Variants in ALDH1A2 observed in about 807,000 individuals in gnomAD.
The protein encoded by ALDH1A2 is retinal dehydrogenase 2.
Under a neutral mutation model 60.3 loss-of-function variants are expected in ALDH1A2, and 27 were observed. That is an observed-to-expected ratio of 0.45 (90% confidence interval 0.33 to 0.62). ALDH1A2 has a LOEUF of 0.62. Ranked by LOEUF, ALDH1A2 falls within the 20% of genes least tolerant of loss-of-function variation. ALDH1A2 has a pLI of 0.02. For missense variants in ALDH1A2, 581 were observed against 643.8 expected, an observed-to-expected ratio of 0.90 and a Z score of 1.06; for synonymous variants, 289 against 232.4, an observed-to-expected ratio of 1.24 and a Z score of -2.21.
At chr15:58,036,451 AAAG>A (rs1896380842) in intron 1 of ALDH1A2, 1 of 151,662 alleles carries the variant, frequency 6.6e-6, no homozygotes, top group African/African-American at 2.4e-5. Flanking sequence ...AGAAATGTCT[AAAG>A]AAGAGTTATG....
intron 5 of ALDH1A2, among the ~76,000 whole-genome samples, chr15:57,994,451 G>T (rs1003502705): frequency 1.3e-5 from 2 of 152,168 alleles, no homozygotes; most frequent in African/African-American, 2.4e-5. Context: ...AGCTAGTACT[G>T]TTAAAAGCTA....
intron 7 of ALDH1A2, among the ~76,000 whole-genome samples, chr15:57,986,695 G>A (rs1894715487): frequency 6.6e-6 from 1 of 151,712 alleles, no homozygotes; most frequent in Admixed American, 6.6e-5. Context: ...ATTATTAGAT[G>A]GAGTCTCACT....
intron 4 of ALDH1A2, among the ~76,000 whole-genome samples, chr15:57,996,879 T>C (rs1895082354): frequency 6.6e-6 from 1 of 152,094 alleles, no homozygotes; most frequent in Non-Finnish European, 1.5e-5. Flanking sequence ...TTTTGATTTA[T>C]GTTTAATGAT....
intron 7 of ALDH1A2, among the ~76,000 whole-genome samples, chr15:57,972,636 G>C (rs1894108970): frequency 1.3e-5 from 2 of 152,122 alleles, no homozygotes. Flanking sequence ...AGCAGGCAGA[G>C]ACTATACCAT....
chr15:58,034,766 A>T (rs1381845343), intron 1 of ALDH1A2, among the ~76,000 whole-genome samples: 1 of 151,686 alleles, frequency 6.6e-6, no homozygotes, highest in African/African-American at 2.4e-5. Context: ...GATAAGACAG[A>T]CTACATTAAT....
rs138567511 is a variant in ALDH1A2 at position 58,025,055 on chromosome 15, C to T, written c.118-10774G>A. Among the ~76,000 whole-genome samples the T allele has an allele frequency of 7.9e-5, 12 of 152,128 alleles. No individual in the cohort carries two copies. The East Asian group carries it at 2.3e-3, about 29-fold the overall frequency. On this transcript the variant is annotated intron_variant, in intron 1 of 12. Transcript: ENST00000249750. ...GCAGTGCTAAGAGGAAATTTTATAG[C>T]AATTAATGCCTACATCTAAAAAAAG... is the stretch of plus-strand genomic sequence containing the variant.
intron 7 of ALDH1A2, among the ~76,000 whole-genome samples, chr15:57,985,859 A>AAGATGAAAAAG (rs1448671685): frequency 2.0e-5 from 3 of 152,220 alleles, no homozygotes; most frequent in Non-Finnish European, 4.4e-5. Flanking sequence ...AATCAGCTCA[A>AAGATGAAAAAG]AGATGAAAAA....
chr15:58,035,428 A>T (rs1279413495), intron 1 of ALDH1A2, among the ~76,000 whole-genome samples: 1 of 149,586 alleles, frequency 6.7e-6, no homozygotes, highest in Non-Finnish European at 1.5e-5. Context: ...TATTGTTTTC[A>T]TTTTCAATTT....
chr15:58,008,284 G>T (rs11071360), intron 4 of ALDH1A2, among the ~76,000 whole-genome samples: 5 of 151,950 alleles, frequency 3.3e-5, no homozygotes, highest in Admixed American at 6.6e-5. Context: ...AGAATTCATC[G>T]TTTTTTTTCC....
At chr15:58,005,714 C>T (rs1895427082) in intron 4 of ALDH1A2, among the ~76,000 whole-genome samples, 2 of 151,654 alleles carry the variant, frequency 1.3e-5, no homozygotes, top group Admixed American at 1.3e-4. Flanking sequence ...AACAAAAAAC[C>T]CTATTTCAGG....
chr15:58,039,264 CCTT>C (rs1389783255), intron 1 of ALDH1A2, among the ~76,000 whole-genome samples: 5 of 151,194 alleles, frequency 3.3e-5, no homozygotes, highest in African/African-American at 1.2e-4. Context: ...TTTTTTTTCT[CCTT>C]CTTTATTAAT....
At chr15:57,995,560 T>C (rs1895030296) in intron 4 of ALDH1A2, among the ~76,000 whole-genome samples, 3 of 152,078 alleles carry the variant, frequency 2.0e-5, no homozygotes, top group Admixed American at 1.3e-4. Flanking sequence ...CTAAGTAAAA[T>C]GCTATTGGGC....
chr15:58,043,553 T>A (rs1028179812), intron 1 of ALDH1A2, among the ~76,000 whole-genome samples: 3 of 152,042 alleles, frequency 2.0e-5, no homozygotes, highest in Non-Finnish European at 2.9e-5. Flanking sequence ...CCCTCTGTGT[T>A]CTCAAATGTG....
At chr15:58,055,486 G>C (rs1219094664) in intron 1 of ALDH1A2, among the ~76,000 whole-genome samples, 3 of 151,930 alleles carry the variant, frequency 2.0e-5, no homozygotes, top group African/African-American at 7.2e-5. Flanking sequence ...GAGTTACACA[G>C]AAAAATATAA....
In ALDH1A2 at chr15:57,955,183, C is replaced by T; in HGVS notation, c.*14G>A. 6.2e-7 allele frequency: 1 copy of T among 1,613,804 alleles called. No individual in the cohort carries two copies. Among genetic ancestry groups the T allele is most frequent in the Admixed American group, 1.7e-5 (1 of 60,032 alleles). On this transcript the variant is annotated 3_prime_UTR_variant, in exon 13 of 13. Transcript: ENST00000249750. ...AGACGTGCAGGCTGGGCTTCATCCT[C>T]CTTCTTGGCCTTCTTAGGAGTTCTT... is the stretch of plus-strand genomic sequence containing the variant.
chr15:57,977,435 G>T (rs1894302256), intron 7 of ALDH1A2, among the ~76,000 whole-genome samples: 1 of 152,132 alleles, frequency 6.6e-6, no homozygotes, highest in Non-Finnish European at 1.5e-5. Flanking sequence ...TGTAAGTAAG[G>T]GGTCCAGTTA....
intron 9 of ALDH1A2, among the ~76,000 whole-genome samples, chr15:57,963,080 T>C (rs1489624641): frequency 6.6e-6 from 1 of 152,128 alleles, no homozygotes; most frequent in Non-Finnish European, 1.5e-5. Flanking sequence ...AGCCAGCCCT[T>C]CACTTCCTAC....
chr15:58,013,525 C>T (rs1348524949), intron 3 of ALDH1A2, among the ~76,000 whole-genome samples: 4 of 152,030 alleles, frequency 2.6e-5, no homozygotes, highest in Non-Finnish European at 5.9e-5. Context: ...CCCAGGTCTG[C>T]TTCAAAGTAT....
chr15:57,992,589 T>C, intron 7 of ALDH1A2, 116 bp downstream of exon 7: 1 of 920,148 alleles, frequency 1.1e-6, no homozygotes, highest in South Asian at 1.4e-5. Flanking sequence ...CTTTGTGGGC[T>C]TGGGTACTCA....
Sources: allele counts gnomAD v4.1 joint callset (sites outside exome capture counted in the v4.1 genomes callset), GRCh38; gene constraint gnomAD v4.1.1; transcripts MANE v1.5; gene names NCBI Gene and HGNC (gene_info 2026-07-23, HGNC 2026-07-21).